The following ADH1C variants were observed in gnomAD, a reference collection of about 807,000 sequenced individuals.
ADH1C encodes alcohol dehydrogenase 1C.
A neutral mutation model predicts 35.0 loss-of-function variants in ADH1C; 26 were observed. The observed-to-expected ratio is 0.74, with a 90% CI of 0.54 to 1.03. The LOEUF (loss-of-function observed/expected upper bound fraction) is 1.03, where lower values mean the gene tolerates loss of function less well. Among genes scored for constraint, ADH1C ranks in the 50% least tolerant of loss-of-function variants. ADH1C has a pLI of 0.00. For synonymous variants in ADH1C, 170 were observed against 169.3 expected (o/e 1.00, Z -0.03); for missense variants, 413 against 465.4 (o/e 0.89, Z 1.04).
chr4:99,337,817 ATTTAT>A (rs532313155), intron 8 of ADH1C, among the ~76,000 whole-genome samples: 3 of 151,996 alleles, frequency 2.0e-5, no homozygotes, highest in Non-Finnish European at 2.9e-5. Flanking sequence ...AATTTATATG[ATTTAT>A]TTTATGAGTT....
intron 1 of ADH1C, 84 bp from the exon 2 acceptor site, chr4:99,347,930 A>G: frequency 6.7e-7 from 1 of 1,485,216 alleles, no homozygotes; most frequent in Non-Finnish European, 9.4e-7. Flanking sequence ...TGTACATGCA[A>G]CATTGAGTCC....
intron 6 of ADH1C, among the ~76,000 whole-genome samples, chr4:99,342,513 T>C (rs1734438670): frequency 6.6e-6 from 1 of 152,184 alleles, no homozygotes; most frequent in Non-Finnish European, 1.5e-5. Flanking sequence ...AAGTTTGCAT[T>C]TTAAACTAAA....
At position 99,343,072 on chromosome 4, in the gene ADH1C, T is replaced by A; in HGVS notation, c.568-17A>T. ...TGGGGTGACCTATGTTTTCAGAAAA[T>A]GCAAAAATGAATTAAATAATGTTTG... On this transcript the variant is annotated splice_polypyrimidine_tract_variant and intron_variant, in intron 5 of 8. Coordinates refer to ENST00000515683, the MANE Select transcript of ADH1C (RefSeq NM_000669.5). 6.2e-7 allele frequency: 1 copy of A among 1,603,578 alleles called. No individual in the cohort carries two copies.
At chr4:99,343,647 C>A (rs1734464817) in intron 5 of ADH1C, among the ~76,000 whole-genome samples, 1 of 152,158 alleles carries the variant, frequency 6.6e-6, no homozygotes, top group African/African-American at 2.4e-5. Flanking sequence ...CACTTGTGAA[C>A]AACACAGCAA....
At chr4:99,352,562 A>AT in intron 1 of ADH1C, 96 bp downstream of exon 1, 1 of 1,020,450 alleles carries the variant, frequency 9.8e-7, no homozygotes, top group Non-Finnish European at 1.4e-6. Flanking sequence ...TTAGATATGA[A>AT]TTTTAAATTT....
At chr4:99,339,006 T>A (rs571345820) in intron 8 of ADH1C, among the ~76,000 whole-genome samples, 2 of 152,100 alleles carry the variant, frequency 1.3e-5, no homozygotes, top group East Asian at 1.9e-4. Flanking sequence ...TAAAATAGGG[T>A]TTAGTACCCT....
chr4:99,350,406 T>C (rs955897247), intron 1 of ADH1C, among the ~76,000 whole-genome samples: 1 of 152,226 alleles, frequency 6.6e-6, no homozygotes, highest in Non-Finnish European at 1.5e-5. Context: ...TGTAGTCTTT[T>C]ATCCCTAACC....
intron 8 of ADH1C, among the ~76,000 whole-genome samples, chr4:99,339,369 A>G (rs1433763660): frequency 6.6e-6 from 1 of 152,170 alleles, no homozygotes; most frequent in Non-Finnish European, 1.5e-5. Flanking sequence ...CCTTCAGCAG[A>G]ATAGGAAATG....
chr4:99,345,044 T>C lies in ADH1C; in HGVS notation c.385A>G (p.Arg129Gly). The C allele has an allele frequency of 6.2e-7, 1 of 1,614,202 alleles. No individual in the cohort carries two copies. Among genetic ancestry groups the C allele is most frequent in the Admixed American group, 1.7e-5 (1 of 60,030 alleles). The change falls in exon 5 of 9, where the codon AGG (arginine) becomes GGG (glycine). Residue 129 changes from arginine to glycine, a missense_variant. Coordinates refer to ENST00000515683, the MANE Select transcript of ADH1C (RefSeq NM_000669.5). The part of the protein sequence containing the change: ...NPRGTLQDGT[R>G]RFTCSGKPIH... ...GGCTTCCCGCTGCAGGTGAACCTCC[T>C]GGTGCCATCCTGCAGGGTCCCCCGA...
intron 5 of ADH1C, among the ~76,000 whole-genome samples, chr4:99,344,580 T>C (rs757212672): frequency 1.3e-4 from 20 of 152,220 alleles, no homozygotes; most frequent in Admixed American, 2.6e-4. Context: ...AATTACAACA[T>C]GAATTAGTTC....
chr4:99,337,821 A>G (rs1480818621), intron 8 of ADH1C, among the ~76,000 whole-genome samples: 1 of 151,980 alleles, frequency 6.6e-6, no homozygotes, highest in African/African-American at 2.4e-5. Flanking sequence ...TATATGATTT[A>G]TTTTATGAGT....
Position 99,344,999 on chromosome 4 carries a change from C to A in ADH1C, c.430G>T (p.Val144Phe). 1 of 1,614,188 alleles carries A rather than the reference C, an allele frequency of 6.2e-7. No individual in the cohort carries two copies. The highest frequency in any genetic ancestry group is 2.2e-5 in the East Asian group (1 of 44,878). ...SGKPIHHFVG[V>F]STFSQYTVVD... The stretch of plus-strand genomic sequence containing the variant: ...ACTGTGTACTGGGAGAAGGTGCTGA[C>A]GCCGACGAAGTGGTGGATGGGCTTC... The change falls in exon 5 of 9, where the codon GTC becomes TTC. Residue 144 changes from valine (V) to phenylalanine (F), a missense_variant. Physicochemically the swap from Val to Phe is conservative, Grantham distance 50. Transcript: ENST00000515683.
chr4:99,341,291 A>C (rs1454479014), intron 6 of ADH1C, among the ~76,000 whole-genome samples: 1 of 152,214 alleles, frequency 6.6e-6, no homozygotes. Flanking sequence ...GAACCTCAAA[A>C]GACAGTTCAG....
chr4:99,338,338 T>G (rs1196588663), intron 8 of ADH1C, among the ~76,000 whole-genome samples: 2 of 140,602 alleles, frequency 1.4e-5, no homozygotes, highest in African/African-American at 2.6e-5. Flanking sequence ...AATTCTATGA[T>G]GATGTCAATG....
Position 99,352,743 on chromosome 4 carries a change from G to A in ADH1C, c.-68C>T. On this transcript the variant is annotated 5_prime_UTR_variant, in exon 1 of 9. Transcript: ENST00000515683. Reference sequence around the variant, plus strand: ...TTGTGGATTTCTTCTCTGCTTGAGTGCATAAAGCAGGTATGTTGCACAGGT... The same window carrying A: ...TTGTGGATTTCTTCTCTGCTTGAGTACATAAAGCAGGTATGTTGCACAGGT... 1.3e-6 allele frequency: 2 copies of A among 1,500,204 alleles called. No individual in the cohort carries two copies. The highest frequency in any genetic ancestry group is 1.1e-5 in the South Asian group (1 of 87,832). The allele number at this position is 1,500,204 out of a possible 1,614,324, so 92.9% of individuals were successfully genotyped here.
chr4:99,340,837 C>G, intron 6 of ADH1C, 127 bp from the exon 7 acceptor site: 1 of 1,383,074 alleles, frequency 7.2e-7, no homozygotes, highest in Non-Finnish European at 9.9e-7. Context: ...ATGTCTTTTG[C>G]TCCTTCATTC....
Position 99,339,522 on chromosome 4 carries a change from C to CGT in ADH1C, c.1103+54_1103+55insAC. On this transcript the variant is annotated intron_variant, in intron 8 of 8. Transcript: ENST00000515683. ...TCTCTGCTAGACAACGCCCCCCCCC[C>CGT]CCCCGCCGCTACTGTAGAATACAAA... 7 of 1,199,606 alleles carry CGT rather than the reference C, an allele frequency of 5.8e-6. 1 individual carries two copies. Among genetic ancestry groups the CGT allele is most frequent in the Non-Finnish European group, 6.7e-6 (6 of 899,598 alleles). The allele number at this position is 1,199,606 out of a possible 1,614,324, so 74.3% of individuals were successfully genotyped here.
chr4:99,339,689 TG>T lies in ADH1C; in HGVS notation c.990del (p.Lys331AsnfsTer16). ...FGGFKSKESV[P>X]KLVADFMAKK... ...TTAGCCATAAAGTCAGCCACAAGTTTGGGGACAGATTCTTTACTCTTAAAGC... is the reference window on the plus strand; with the variant it reads ...TTAGCCATAAAGTCAGCCACAAGTTTGGGACAGATTCTTTACTCTTAAAGC... On this transcript the variant is annotated frameshift_variant, in exon 8 of 9. Transcript: ENST00000515683. LOFTEE classifies it high-confidence loss of function. The T allele has an allele frequency of 6.2e-7, 1 of 1,612,480 alleles. No homozygotes were observed. The highest frequency in any genetic ancestry group is 1.3e-5 in the African/African-American group (1 of 74,878).
At chr4:99,346,584 G>T (rs2110660443) in intron 3 of ADH1C, among the ~76,000 whole-genome samples, 1 of 152,222 alleles carries the variant, frequency 6.6e-6, no homozygotes, top group African/African-American at 2.4e-5. Flanking sequence ...CCTCCATTTT[G>T]TGAACTCAGC....
Sources: gnomAD v4.1 joint callset for allele counts (sites outside exome capture counted in the v4.1 genomes callset) on GRCh38, gnomAD v4.1.1 for gene constraint, MANE v1.5 for transcripts, NCBI Gene and HGNC (gene_info 2026-07-23, HGNC 2026-07-21) for gene names.